PCM1: variants seen among roughly 807,000 people sequenced by gnomAD.
PCM1 encodes pericentriolar material 1.
In PCM1, 157 loss-of-function variants were observed where a neutral mutation model predicts 241.9. That is an observed-to-expected ratio of 0.65 (90% confidence interval 0.57 to 0.74). The LOEUF is 0.74. Among genes scored for constraint, PCM1 ranks in the 30% least tolerant of loss-of-function variants. The probability of loss-of-function intolerance (pLI) is 0.00; values close to 1 mark genes in which losing one functional copy is unlikely to be tolerated. For synonymous variants in PCM1, 1,085 were observed against 784.9 expected (o/e 1.38, Z -6.39); for missense variants, 3,478 against 2,360.1 (o/e 1.47, Z -9.81).
chr8:17,972,274 G>T, intron 22 of PCM1, 55 bp from the exon 23 acceptor site: 1 of 970,208 alleles, frequency 1.0e-6, no homozygotes, highest in South Asian at 2.2e-5. Flanking sequence ...CAGTGTATTT[G>T]GAGTTTTTGT....
At chr8:17,984,730 T>G (rs551442978) in intron 24 of PCM1, among the ~76,000 whole-genome samples, 12 of 152,114 alleles carry the variant, frequency 7.9e-5, no homozygotes, top group African/African-American at 2.9e-4. Context: ...CCTTTGAGTG[T>G]AATAATTTTG....
intron 24 of PCM1, 41 bp from the exon 25 acceptor site, chr8:17,985,406 A>AC: frequency 7.5e-7 from 1 of 1,338,108 alleles, no homozygotes; most frequent in Non-Finnish European, 1.0e-6. Context: ...TCATGAAGGT[A>AC]CTTCATCAAT....
chr8:17,937,500 T>G (rs1402253739), intron 4 of PCM1, 121 bp downstream of exon 4: 1 of 853,740 alleles, frequency 1.2e-6, no homozygotes, highest in Non-Finnish European at 1.7e-6. Context: ...AAAGTTTCTG[T>G]GCCTATGGAA....
At chr8:17,981,869 G>T (rs989128147) in intron 24 of PCM1, among the ~76,000 whole-genome samples, 1 of 149,662 alleles carries the variant, frequency 6.7e-6, no homozygotes, top group South Asian at 2.1e-4. Flanking sequence ...TCCAGTAATT[G>T]TACTTGTAGT....
chr8:18,014,160 GATGT>G lies in PCM1; in HGVS notation c.5584+129_5584+132del, dbSNP rs1388913663. 4.8e-6 allele frequency: 3 copies of G among 618,702 alleles called. No homozygotes were observed. In the South Asian group the frequency reaches 6.9e-5, roughly 14 times the overall value. The allele number at this position is 618,702 out of a possible 1,614,324, so 38.3% of individuals were successfully genotyped here. A position where few individuals can be genotyped will look rare whatever the true frequency, so the allele number is the denominator to read the frequency against. ...CTTAGTTTGAAAGTACTTTGGACCT[GATGT>G]ATGTTTTTCTTCTCCCTATAAATCC... On this transcript the variant is annotated intron_variant, in intron 35 of 38. Coordinates refer to ENST00000325083, the MANE Select transcript of PCM1 (RefSeq NM_006197.4).
Position 17,937,270 on chromosome 8 carries a change from A to G in PCM1, c.233A>G (p.Lys78Arg). 6.2e-7 allele frequency: 1 copy of G among 1,611,514 alleles called. No homozygotes were observed. Among genetic ancestry groups the G allele is most frequent in the Non-Finnish European group, 8.5e-7 (1 of 1,178,322 alleles). ...CCAGGAGTTGGAAGGCGAAGAACAAAGACTCCACATACGTTCCCACACAGT... is the reference window on the plus strand; with the variant it reads ...CCAGGAGTTGGAAGGCGAAGAACAAGGACTCCACATACGTTCCCACACAGT... ...SSPGVGRRRT[K>R]TPHTFPHSRY... The change falls in exon 4 of 39, where the codon AAG (lysine) becomes AGG (arginine). Residue 78 changes from lysine (K) to arginine (R), a missense_variant. Coordinates refer to ENST00000325083, the MANE Select transcript of PCM1 (RefSeq NM_006197.4).
intron 1 of PCM1, among the ~76,000 whole-genome samples, chr8:17,923,731 G>C (rs924133724): frequency 6.6e-6 from 1 of 152,148 alleles, no homozygotes; most frequent in Admixed American, 6.5e-5. Flanking sequence ...CGCCGTCTCT[G>C]GTGCTGTGGG....
intron 29 of PCM1, chr8:18,006,024 A>T (rs1360483709): frequency 7.4e-6 from 3 of 406,486 alleles, no homozygotes; most frequent in African/African-American, 6.1e-5. Context: ...TGGATCAGCC[A>T]GTTCTTTTAC....
In PCM1 at chr8:18,026,165, G is replaced by GAAAAAAAAAAAAAAA. The variant is rs1588876179; in HGVS notation, c.6049+510_6049+511insAAAAAAAAAAAAAAA. ...GGTGAAAGAGCGAGACTCCCTCTCTGAAACAAAAAAAAAAAAAAAAAAAAA... is the reference window on the plus strand; with the variant it reads ...GGTGAAAGAGCGAGACTCCCTCTCTGAAAAAAAAAAAAAAAAAACAAAAAAAAAAAAAAAAAAAAA... On this transcript the variant is annotated intron_variant, in intron 38 of 38. Transcript: ENST00000325083. 5.6e-4 allele frequency among the ~76,000 whole-genome samples: 2 copies of GAAAAAAAAAAAAAAA among 3,574 alleles called. 1 individual carries two copies. Among genetic ancestry groups the GAAAAAAAAAAAAAAA allele is most frequent in the African/African-American group, 1.2e-3 (2 of 1,734 alleles). The allele number at this position is 3,574 out of a possible 152,430, so 2.3% of individuals were successfully genotyped here. A position where few individuals can be genotyped will look rare whatever the true frequency, so the allele number is the denominator to read the frequency against.
At chr8:18,015,641 G>A (rs759529129) in intron 36 of PCM1, 16 of 152,064 alleles carry the variant, frequency 1.1e-4, no homozygotes, top group Non-Finnish European at 1.9e-4. Context: ...TTGGTCTGGT[G>A]TTCCCACTTC....
intron 29 of PCM1, among the ~76,000 whole-genome samples, chr8:17,999,969 C>T (rs558548470): frequency 6.6e-6 from 1 of 152,122 alleles, no homozygotes; most frequent in African/African-American, 2.4e-5. Context: ...AGTGGGAATA[C>T]ACTCTGAAAT....
At position 17,980,581 on chromosome 8, in the gene PCM1, T is replaced by C; in HGVS notation, c.3944-10T>C. ...GCAACTGATAACAGTTGTCACTTTT[T>C]TTACTCAAGGGTATGAAAGTGCCAG... On this transcript the variant is annotated splice_polypyrimidine_tract_variant and intron_variant, in intron 23 of 38. Transcript: ENST00000325083. 6.4e-7 allele frequency: 1 copy of C among 1,561,950 alleles called. No homozygotes were observed.
At chr8:17,969,458 A>G in intron 21 of PCM1, 119 bp from the exon 22 acceptor site, 1 of 726,988 alleles carries the variant, frequency 1.4e-6, no homozygotes, top group Non-Finnish European at 2.2e-6. Flanking sequence ...TTTTTTAATT[A>G]ACAGTTTTTT....
At chr8:17,983,206 CA>C in intron 24 of PCM1, 1 of 1,263,626 alleles carries the variant, frequency 7.9e-7, no homozygotes, top group South Asian at 1.3e-5. Flanking sequence ...ATTTTATGTT[CA>C]TCCTTATGTC....
At position 17,966,098 on chromosome 8, in the gene PCM1, T is replaced by C. The variant is rs1457089875; in HGVS notation, c.2955T>C (p.Arg985=). The part of the protein sequence containing the change: ...NISMQRQENL[R]WVSELSYVEE... ...GCATGCAACGGCAAGAAAACCTTCG[T>C]TGGGTGTCAGAGCTCTCTTACGTAG... The change falls in exon 19 of 39, where the codon CGT becomes CGC. Residue 985 remains arginine (R), a synonymous_variant. Coordinates refer to ENST00000325083, the MANE Select transcript of PCM1 (RefSeq NM_006197.4). 4 of 1,613,742 alleles carry C rather than the reference T, an allele frequency of 2.5e-6. No homozygotes were observed. Among genetic ancestry groups the C allele is most frequent in the East Asian group, 2.2e-5 (1 of 44,880 alleles).
rs1394885242 is a variant in PCM1, at chr8:17,955,664, T to C, written c.1472+11T>C. On this transcript the variant is annotated intron_variant, in intron 10 of 38. Coordinates refer to ENST00000325083, the MANE Select transcript of PCM1 (RefSeq NM_006197.4). ...ATCTGAAAAACTCCAGTAAAACATT[T>C]ATAATCATTGTTTACATGAAGTTAA... The C allele has an allele frequency of 6.3e-7, 1 of 1,596,212 alleles. No homozygotes were observed. The highest frequency in any genetic ancestry group is 8.6e-7 in the Non-Finnish European group (1 of 1,163,882).
At chr8:17,996,061 C>A (rs1329902149) in intron 29 of PCM1, among the ~76,000 whole-genome samples, 1 of 152,150 alleles carries the variant, frequency 6.6e-6, no homozygotes, top group African/African-American at 2.4e-5. Context: ...GCTAGGACTT[C>A]CAGTACTATG....
At chr8:18,006,236 A>G (rs760469338) in intron 29 of PCM1, 27 bp from the exon 30 acceptor site, 7 of 1,563,794 alleles carry the variant, frequency 4.5e-6, no homozygotes, top group Non-Finnish European at 6.1e-6. Flanking sequence ...GTAAGTTTAT[A>G]TTCTAACCAA....
intron 24 of PCM1, 40 bp downstream of exon 24, chr8:17,980,795 TC>T: frequency 6.8e-7 from 1 of 1,479,018 alleles, no homozygotes; most frequent in Non-Finnish European, 9.2e-7. Context: ...AAGGAGGTTT[TC>T]AGCTTAGATT....
Sources: allele counts gnomAD v4.1 joint callset (sites outside exome capture counted in the v4.1 genomes callset), GRCh38; gene constraint gnomAD v4.1.1; transcripts MANE v1.5; gene names NCBI Gene and HGNC (gene_info 2026-07-23, HGNC 2026-07-21).